ZFR2: variants seen among roughly 807,000 people sequenced by gnomAD.
The protein encoded by ZFR2 is zinc finger RNA binding protein 2, also known as zinc finger RNA-binding protein 2.
Under a neutral mutation model 105.7 loss-of-function variants are expected in ZFR2, and 104 were observed. The ratio of observed to expected loss-of-function variants is 0.98; its 90% CI spans 0.84 to 1.16. The LOEUF (loss-of-function observed/expected upper bound fraction) is 1.16, where lower values mean the gene tolerates loss of function less well. Among genes scored for constraint, ZFR2 ranks in the 50% most tolerant of loss-of-function variants. The pLI is 0.00. For missense variants in ZFR2, 1,425 were observed against 1,355.5 expected, an observed-to-expected ratio of 1.05 and a Z score of -0.80; for synonymous variants, 634 against 597.7, an observed-to-expected ratio of 1.06 and a Z score of -0.89.
At chr19:3,852,393 G>A in intron 1 of ZFR2, 1 of 687,994 alleles carries the variant, frequency 1.5e-6, no homozygotes, top group Non-Finnish European at 2.7e-6. Context: ...GCTACCTGTT[G>A]GATGGGGCAC....
chr19:3,838,321 C>G lies in ZFR2; in HGVS notation c.54-3338G>C, dbSNP rs536752201. Among the ~76,000 whole-genome samples the G allele has an allele frequency of 1.1e-4, 16 of 152,198 alleles. No homozygotes were observed. On this transcript the variant is annotated intron_variant, in intron 1 of 18. Transcript: ENST00000262961. The surrounding 1 kb of genome is among the most constrained non-coding windows in gnomAD (Gnocchi z 4.9). ...GAACACTATGACAGTGGCAGTACTC[C>G]TGTTCCCACACTCCCTCCCGTAGGT...
chr19:3,811,215 T>G, intron 15 of ZFR2, 57 bp downstream of exon 15: 9 of 1,464,876 alleles, frequency 6.1e-6, no homozygotes, highest in Non-Finnish European at 8.2e-6. Context: ...CTGGTGCCTC[T>G]GAGCTACGTT....
intron 10 of ZFR2, among the ~76,000 whole-genome samples, chr19:3,821,097 C>T (rs1388306452): frequency 3.3e-5 from 5 of 152,072 alleles, no homozygotes; most frequent in South Asian, 2.1e-4. Context: ...AGTGTCCCTG[C>T]GTCTACGGAG....
rs1336448658 is a variant in ZFR2 at position 3,807,268 on chromosome 19, G to A, written c.2547C>T (p.Asp849=). The change falls in exon 18 of 19, where the codon GAC becomes GAT. Residue 849 remains aspartate, a splice_region_variant and synonymous_variant. Coordinates refer to ENST00000262961, the MANE Select transcript of ZFR2 (RefSeq NM_015174.2). Reference sequence around the variant, plus strand: ...CGCAGGGATCCTGGAGCCCGGGCCCGTCTTTGTGACGGGGAGTGGGAACAG... The same window carrying A: ...CGCAGGGATCCTGGAGCCCGGGCCCATCTTTGTGACGGGGAGTGGGAACAG... ...ECVATGTLLT[D]GPGLQDPCER... 1.6e-5 allele frequency: 25 copies of A among 1,553,732 alleles called. No individual in the cohort carries two copies. The highest frequency in any genetic ancestry group is 5.9e-5 in the South Asian group (5 of 84,276).
intron 1 of ZFR2, among the ~76,000 whole-genome samples, chr19:3,854,182 G>C (rs2038272362): frequency 6.6e-6 from 1 of 151,482 alleles, no homozygotes; most frequent in Admixed American, 6.6e-5. Flanking sequence ...CTTGAGGTCA[G>C]GGTTCAAGAC....
intron 10 of ZFR2, among the ~76,000 whole-genome samples, chr19:3,820,810 T>C (rs2037882022): frequency 1.5e-5 from 1 of 68,854 alleles, no homozygotes; most frequent in African/African-American, 5.7e-5. Flanking sequence ...GGGTCAGGGG[T>C]CACATGGCAC....
chr19:3,836,573 CTGAG>C (rs1387877854), intron 1 of ZFR2, among the ~76,000 whole-genome samples: 1 of 152,132 alleles, frequency 6.6e-6, no homozygotes, highest in African/African-American at 2.4e-5. Flanking sequence ...GTCAGTCCAC[CTGAG>C]TATTAAAATA....
chr19:3,864,410 A>G (rs1333950257), intron 1 of ZFR2, among the ~76,000 whole-genome samples: 1 of 151,320 alleles, frequency 6.6e-6, no homozygotes, highest in Non-Finnish European at 1.5e-5. Flanking sequence ...ACAAACAAAC[A>G]GAGGTTCTCT....
intron 1 of ZFR2, among the ~76,000 whole-genome samples, chr19:3,836,916 T>C (rs148104397): frequency 1.3e-5 from 2 of 152,150 alleles, no homozygotes; most frequent in Admixed American, 6.5e-5. Flanking sequence ...AATACCGCTA[T>C]GGATATATAT....
chr19:3,810,920 A>C (rs1718773316), intron 15 of ZFR2, 75 bp from the exon 16 acceptor site: 2 of 1,481,030 alleles, frequency 1.4e-6, no homozygotes, highest in Non-Finnish European at 1.8e-6. Context: ...CTCTGTCGTG[A>C]GCGTGAACCC....
intron 13 of ZFR2, among the ~76,000 whole-genome samples, chr19:3,815,317 G>A (rs1193817331): frequency 1.3e-5 from 2 of 152,054 alleles, no homozygotes; most frequent in Non-Finnish European, 2.9e-5. Context: ...CTCGAACTCC[G>A]GACCTCAGGT....
intron 16 of ZFR2, among the ~76,000 whole-genome samples, chr19:3,809,406 G>A (rs1248493035): frequency 6.6e-6 from 1 of 152,248 alleles, no homozygotes; most frequent in African/African-American, 2.4e-5. Flanking sequence ...GCCCGCCTCA[G>A]CTGAGGGGAA....
chr19:3,821,461 G>A lies in ZFR2; in HGVS notation c.1510C>T (p.Leu504Phe), dbSNP rs1289534957. The A allele has an allele frequency of 1.2e-6, 2 of 1,606,206 alleles. No individual in the cohort carries two copies. Among genetic ancestry groups the A allele is most frequent in the Non-Finnish European group, 1.7e-6 (2 of 1,175,072 alleles). Reference protein sequence around the residue: ...LQYRKKVNPDLPIATEPSSRA... With the variant: ...LQYRKKVNPDFPIATEPSSRA... Reference sequence around the variant, plus strand: ...CTGCTGGGCTCCGTGGCAATGGGAAGGTCCGGGTTCACTTTCTTCTGGAAA... The same window carrying A: ...CTGCTGGGCTCCGTGGCAATGGGAAAGTCCGGGTTCACTTTCTTCTGGAAA... The change falls in exon 10 of 19, where the codon CTT becomes TTT. Residue 504 changes from leucine to phenylalanine, a missense_variant. Physicochemically the swap from Leu to Phe is conservative, Grantham distance 22. Coordinates refer to ENST00000262961, the MANE Select transcript of ZFR2 (RefSeq NM_015174.2).
At chr19:3,827,737 C>T (rs1599233576) in intron 5 of ZFR2, 84 bp from the exon 6 acceptor site, 7 of 1,484,174 alleles carry the variant, frequency 4.7e-6, no homozygotes, top group East Asian at 2.5e-5. Context: ...CGGCTTAGCG[C>T]GAGGGAACTC....
At chr19:3,825,448 C>T in intron 6 of ZFR2, 41 bp from the exon 7 acceptor site, 2 of 1,527,086 alleles carry the variant, frequency 1.3e-6, no homozygotes, top group Non-Finnish European at 8.8e-7. Context: ...AGGGCCGCTC[C>T]CAGCCTGATG....
chr19:3,834,741 C>T lies in ZFR2; in HGVS notation c.264+32G>A, dbSNP rs774800232. 8.1e-6 allele frequency: 13 copies of T among 1,603,792 alleles called. No homozygotes were observed. The highest frequency in any genetic ancestry group is 4.5e-4 in the Middle Eastern group (2 of 4,492). ...CCCATGCAAGGCGACCCACGTTTCCCGGCAACGCTGGTCAAAGAAAGGACT... is the reference window on the plus strand; with the variant it reads ...CCCATGCAAGGCGACCCACGTTTCCTGGCAACGCTGGTCAAAGAAAGGACT... On this transcript the variant is annotated intron_variant, in intron 2 of 18. Coordinates refer to ENST00000262961, the MANE Select transcript of ZFR2 (RefSeq NM_015174.2). This position sits in a 1 kb window ranked among gnomAD's most constrained non-coding sequence, Gnocchi z 5.3.
At chr19:3,816,997 C>T (rs933133830) in intron 12 of ZFR2, among the ~76,000 whole-genome samples, 152 bp from the exon 13 acceptor site, 8 of 152,164 alleles carry the variant, frequency 5.3e-5, no homozygotes, top group Non-Finnish European at 4.4e-5. Context: ...GCCGCTCTGT[C>T]GGAGGCGCTT....
At chr19:3,844,144 G>A (rs184905255) in intron 1 of ZFR2, among the ~76,000 whole-genome samples, 37 of 151,942 alleles carry the variant, frequency 2.4e-4, no homozygotes, top group Middle Eastern at 3.2e-3. Context: ...ACGTGAATGT[G>A]CTTAATGCCA....
Position 3,813,987 on chromosome 19 carries a change from A to G in ZFR2, c.2104-29T>C. The G allele has an allele frequency of 6.2e-7, 1 of 1,612,128 alleles. No homozygotes were observed. The highest frequency in any genetic ancestry group is 8.5e-7 in the Non-Finnish European group (1 of 1,179,152). ...GGAGGGGTAAATACAACACAAGGCCACCTTACTGCAGCCCAGATTCATGTG... is the reference window on the plus strand; with the variant it reads ...GGAGGGGTAAATACAACACAAGGCCGCCTTACTGCAGCCCAGATTCATGTG... On this transcript the variant is annotated intron_variant, in intron 13 of 18. Coordinates refer to ENST00000262961, the MANE Select transcript of ZFR2 (RefSeq NM_015174.2). The surrounding 1 kb of genome is among the most constrained non-coding windows in gnomAD (Gnocchi z 4.4).
Sources: gnomAD v4.1 joint callset for allele counts (sites outside exome capture counted in the v4.1 genomes callset) on GRCh38, gnomAD v4.1.1 for gene constraint, Gnocchi (gnomAD v3.1) non-coding constraint, MANE v1.5 for transcripts, NCBI Gene and HGNC (gene_info 2026-07-23, HGNC 2026-07-21) for gene names.